The following TRIM4 variants were observed in gnomAD, a reference collection of about 807,000 sequenced individuals.
TRIM4 encodes E3 ubiquitin-protein ligase TRIM4.
Under a neutral mutation model 33.7 loss-of-function variants are expected in TRIM4, and 29 were observed. The ratio of observed to expected loss-of-function variants is 0.86; its 90% CI spans 0.64 to 1.17. The LOEUF (loss-of-function observed/expected upper bound fraction) is 1.17, where lower values mean the gene tolerates loss of function less well. Ranked by LOEUF, TRIM4 falls within the 50% of genes most tolerant of loss-of-function variation. The pLI, the probability that TRIM4 is intolerant of heterozygous loss-of-function variation, is 0.00. For synonymous variants in TRIM4, 224 were observed against 233.0 expected (o/e 0.96, Z 0.35); for missense variants, 554 against 593.7 (o/e 0.93, Z 0.69).
At chr7:99,906,124 C>A (rs1819298386) in intron 3 of TRIM4, among the ~76,000 whole-genome samples, 1 of 151,228 alleles carries the variant, frequency 6.6e-6, no homozygotes, top group African/African-American at 2.4e-5. Flanking sequence ...CAGCCTCGGC[C>A]ACACAGCAAG....
Position 99,908,714 on chromosome 7 carries a change from G to T in TRIM4, c.588C>A (p.Asn196Lys), listed in dbSNP as rs760994998. ...EEEDLFLQRL[N>K]KEEEETKKKL... ...TCTTCTTCGTCTCTTCTTCTTCTTT[G>T]TTCAATCTCTGAAGAAACAGGTCCT... The change falls in exon 3 of 6, where the codon AAC (asparagine) becomes AAA (lysine). Residue 196 changes from asparagine to lysine, a missense_variant. By Grantham distance (94) the Asn-to-Lys change is moderately conservative. Coordinates refer to ENST00000349062, the MANE Select transcript of TRIM4 (RefSeq NM_033091.3). The T allele has an allele frequency of 8.1e-6, 13 of 1,613,830 alleles. No homozygotes were observed. The highest frequency in any genetic ancestry group is 1.3e-5 in the African/African-American group (1 of 74,840).
At chr7:99,902,105 C>A in intron 5 of TRIM4, 1 of 765,234 alleles carries the variant, frequency 1.3e-6, no homozygotes, top group South Asian at 1.3e-5. Context: ...CACTGCCTGA[C>A]GTCTGGTGCT....
intron 5 of TRIM4, among the ~76,000 whole-genome samples, chr7:99,900,748 T>C (rs977480046): frequency 2.0e-5 from 3 of 152,242 alleles, no homozygotes; most frequent in Non-Finnish European, 4.4e-5. Flanking sequence ...AACAGTTTTT[T>C]TCTTTCAGGA....
chr7:99,919,297 G>A lies in TRIM4; in HGVS notation c.105C>T (p.Cys35=), dbSNP rs755434027. ...IECGHNFCRG[C]LHRNWAPGGG... ...CGCCCGGCGCCCAGTTGCGGTGCAG[G>A]CAGCCGCGGCAGAAGTTGTGGCCGC... Residue 35 remains cysteine (C), a synonymous_variant, in exon 1 of 6, where the codon TGC becomes TGT. Coordinates refer to ENST00000349062, the MANE Select transcript of TRIM4 (RefSeq NM_033091.3). 6 of 1,554,548 alleles carry A rather than the reference G, an allele frequency of 3.9e-6. No individual in the cohort carries two copies. The South Asian group carries it at 7.1e-5, about 18-fold the overall frequency.
intron 2 of TRIM4, among the ~76,000 whole-genome samples, chr7:99,909,133 G>GGTGTGTGTGTGTGTGTGT (rs140032652): frequency 6.7e-6 from 1 of 148,410 alleles, no homozygotes; most frequent in East Asian, 2.0e-4. Flanking sequence ...GGAGTGTGAG[G>GGTGTGTGTGTGTGTGTGT]GTGTGTGTGT....
At chr7:99,909,131 A>AGGGTGTGT (rs1554452934) in intron 2 of TRIM4, among the ~76,000 whole-genome samples, 42 of 101,356 alleles carry the variant, frequency 4.1e-4, no homozygotes, top group Non-Finnish European at 6.8e-4. Flanking sequence ...TAGGAGTGTG[A>AGGGTGTGT]GGGTGTGTGT....
intron 5 of TRIM4, chr7:99,901,976 T>C (rs1044391732): frequency 1.1e-5 from 7 of 626,014 alleles, no homozygotes; most frequent in Non-Finnish European, 2.0e-5. Flanking sequence ...TCAGCAAGTC[T>C]CCCTGGCTCT....
Position 99,919,270 on chromosome 7 carries a change from G to A in TRIM4, c.132C>T (p.Gly44=), listed in dbSNP as rs773376523. The A allele has an allele frequency of 1.9e-6, 3 of 1,545,320 alleles. No homozygotes were observed. The highest frequency in any genetic ancestry group is 2.6e-6 in the Non-Finnish European group (3 of 1,145,476). The change falls in exon 1 of 6, where the codon GGC becomes GGT. Residue 44 remains glycine, a synonymous_variant. Coordinates refer to ENST00000349062, the MANE Select transcript of TRIM4 (RefSeq NM_033091.3). ...GACATTCGGGGCAGGGGAACGGGCC[G>A]CCGCCCGGCGCCCAGTTGCGGTGCA... ...GCLHRNWAPG[G]GPFPCPECRH...
intron 5 of TRIM4, among the ~76,000 whole-genome samples, chr7:99,902,336 C>T (rs546186081): frequency 6.6e-6 from 1 of 152,236 alleles, no homozygotes; most frequent in Admixed American, 6.5e-5. Flanking sequence ...CAACCTCCAC[C>T]TCCCAGGTTC....
chr7:99,919,320 CG>C lies in TRIM4; in HGVS notation c.81del (p.Cys27TrpfsTer44). 1 of 1,567,278 alleles carries C rather than the reference CG, an allele frequency of 6.4e-7. No homozygotes were observed. The highest frequency in any genetic ancestry group is 1.9e-5 in the Admixed American group (1 of 53,604). ...DYFQDPVSIE[C>X]GHNFCRGCLH... ...AGGCAGCCGCGGCAGAAGTTGTGGC[CG>C]CACTCGATGGACACCGGGTCCTGGA... On this transcript the variant is annotated frameshift_variant, in exon 1 of 6. Transcript: ENST00000349062. LOFTEE classifies it high-confidence loss of function.
At chr7:99,896,257 G>C (rs2527920) in intron 5 of TRIM4, among the ~76,000 whole-genome samples, 58,791 of 151,978 alleles carry the variant, frequency 0.39, 12,000 homozygotes, top group Non-Finnish European at 0.46. Context: ...TATGGTCCAA[G>C]TAGAATGTGG....
intron 3 of TRIM4, among the ~76,000 whole-genome samples, chr7:99,904,310 A>G (rs1036129425): frequency 2.0e-5 from 3 of 152,184 alleles, no homozygotes; most frequent in African/African-American, 7.2e-5. Context: ...AAAAACAGAC[A>G]AATTCCAATA....
At chr7:99,910,471 T>C (rs972580164) in intron 1 of TRIM4, among the ~76,000 whole-genome samples, 2 of 152,210 alleles carry the variant, frequency 1.3e-5, no homozygotes, top group Non-Finnish European at 2.9e-5. Context: ...TAGCTGTCTA[T>C]ATATTGACAT....
intron 3 of TRIM4, among the ~76,000 whole-genome samples, chr7:99,905,050 T>A (rs1464065249): frequency 1.4e-5 from 2 of 147,898 alleles, no homozygotes; most frequent in Non-Finnish European, 1.5e-5. Context: ...AAATAAAAAT[T>A]AAAAAAAAAA....
chr7:99,900,599 G>C (rs186301877), intron 5 of TRIM4, among the ~76,000 whole-genome samples: 1 of 152,210 alleles, frequency 6.6e-6, no homozygotes, highest in Non-Finnish European at 1.5e-5. Flanking sequence ...TCTGTCTGAA[G>C]GACTTCCTTT....
intron 5 of TRIM4, among the ~76,000 whole-genome samples, chr7:99,899,514 G>C (rs1274036075): frequency 6.6e-6 from 1 of 152,130 alleles, no homozygotes; most frequent in African/African-American, 2.4e-5. Context: ...ACTGGCACAA[G>C]TATACACCTT....
chr7:99,919,125 G>T lies in TRIM4; in HGVS notation c.277C>A (p.Pro93Thr). Residue 93 changes from proline (P) to threonine (T), a missense_variant, in exon 1 of 6, where the codon CCG becomes ACG. Transcript: ENST00000349062. The stretch of plus-strand genomic sequence containing the variant: ...TCGTCCTCGCAGAAGAGCCGCAGCG[G>T]CTCCCAGTGGCGGCCGCACAGGCCC... ...PPGLCGRHWE[P>T]LRLFCEDDQR... 6.6e-7 allele frequency: 1 copy of T among 1,514,712 alleles called. No homozygotes were observed. The highest frequency in any genetic ancestry group is 8.8e-7 in the Non-Finnish European group (1 of 1,130,888). 93.8% of individuals were successfully genotyped at this position (1,514,712 alleles called of 1,614,324 possible). A position where few individuals can be genotyped will look rare whatever the true frequency, so the allele number is the denominator to read the frequency against.
intron 1 of TRIM4, among the ~76,000 whole-genome samples, chr7:99,910,118 AAG>A (rs1479099260): frequency 6.6e-6 from 1 of 152,200 alleles, no homozygotes; most frequent in Non-Finnish European, 1.5e-5. Context: ...GGCCTATGAT[AAG>A]AACTATTCTG....
Position 99,892,098 on chromosome 7 carries a change from G to T in TRIM4, c.*65C>A. ...ATAGAGACATGAAGGGCAGAAGAGG[G>T]CCCAGGGATGTGTGTCCCTCAGCTG... On this transcript the variant is annotated 3_prime_UTR_variant, in exon 6 of 6. Coordinates refer to ENST00000349062, the MANE Select transcript of TRIM4 (RefSeq NM_033091.3). The T allele has an allele frequency of 1.4e-6, 2 of 1,403,194 alleles. No individual in the cohort carries two copies. Among genetic ancestry groups the T allele is most frequent in the Non-Finnish European group, 1.9e-6 (2 of 1,033,502 alleles). The allele number at this position is 1,403,194 out of a possible 1,614,324, so 86.9% of individuals were successfully genotyped here.
Sources: gnomAD v4.1 joint callset for allele counts (sites outside exome capture counted in the v4.1 genomes callset) on GRCh38, gnomAD v4.1.1 for gene constraint, MANE v1.5 for transcripts, NCBI Gene and HGNC (gene_info 2026-07-23, HGNC 2026-07-21) for gene names.